Variants in SEMA6D observed in about 807,000 individuals in gnomAD.
SEMA6D encodes semaphorin 6D, also known as semaphorin-6D.
A neutral mutation model predicts 106.6 loss-of-function variants in SEMA6D; 35 were observed. The ratio of observed to expected loss-of-function variants is 0.33; its 90% CI spans 0.25 to 0.44. The LOEUF (loss-of-function observed/expected upper bound fraction) is 0.44, where lower values mean the gene tolerates loss of function less well. SEMA6D is among the 20% of genes least tolerant of loss of function. The probability of loss-of-function intolerance (pLI) is 1.00; values close to 1 mark genes in which losing one functional copy is unlikely to be tolerated. For missense variants in SEMA6D, 1,185 were observed against 1,345.9 expected, an observed-to-expected ratio of 0.88 and a Z score of 1.87; for synonymous variants, 499 against 487.7, an observed-to-expected ratio of 1.02 and a Z score of -0.31.
At chr15:47,526,305 C>T (rs1452703224) in intron 3 of SEMA6D, among the ~76,000 whole-genome samples, 1 of 152,110 alleles carries the variant, frequency 6.6e-6, no homozygotes, top group African/African-American at 2.4e-5. Context: ...TCTTTCAAAG[C>T]TCTCATGTAC....
At position 47,568,124 on chromosome 15, in the gene SEMA6D, G is replaced by A. The variant is rs189484517; in HGVS notation, c.-86-32741G>A. ...TACACTGCTGGTGGAGATGTAACTTGGAGACCAAAGTGGCAATATCTAATA... is the reference window on the plus strand; with the variant it reads ...TACACTGCTGGTGGAGATGTAACTTAGAGACCAAAGTGGCAATATCTAATA... On this transcript the variant is annotated intron_variant, in intron 3 of 19. Transcript: ENST00000558014. Among the ~76,000 whole-genome samples, 262 of 150,762 alleles carry A rather than the reference G, an allele frequency of 1.7e-3. 3 individuals carry two copies. Among genetic ancestry groups the A allele is most frequent in the Admixed American group, 4.0e-3 (60 of 15,118 alleles).
chr15:47,291,337 G>A (rs569240743), intron 1 of SEMA6D, among the ~76,000 whole-genome samples: 4 of 152,168 alleles, frequency 2.6e-5, no homozygotes, highest in Non-Finnish European at 5.9e-5. Flanking sequence ...TTGTAAGTCT[G>A]TTATCTGAAT....
In SEMA6D at chr15:47,677,197, C is replaced by A. The variant is rs150369722; in HGVS notation, c.-55+76301C>A. Among the ~76,000 whole-genome samples, 1,518 of 152,134 alleles carry A rather than the reference C, an allele frequency of 1.0e-2. 14 individuals are homozygous for A. The highest frequency in any genetic ancestry group is 0.045 in the South Asian group (216 of 4,818). Reference sequence around the variant, plus strand: ...GTCTGCGACCTGGAGGTTGGGGACCCCTGTTGTAAAGGTTGAGCTGAGATG... The same window carrying A: ...GTCTGCGACCTGGAGGTTGGGGACCACTGTTGTAAAGGTTGAGCTGAGATG... On this transcript the variant is annotated intron_variant, in intron 4 of 19. Transcript: ENST00000558014.
rs749933749 is a variant in SEMA6D at position 47,765,072 on chromosome 15, G to A, written c.1427+16G>A. On this transcript the variant is annotated intron_variant, in intron 13 of 18. Transcript: ENST00000536845. ...ACCATGCAAAGTAGGTATATGTTACGAGAACGCCCTTCAGCACTGCTCAAA... is the reference window on the plus strand; with the variant it reads ...ACCATGCAAAGTAGGTATATGTTACAAGAACGCCCTTCAGCACTGCTCAAA... 2.2e-5 allele frequency: 36 copies of A among 1,612,836 alleles called. No individual in the cohort carries two copies. The African/African-American group carries it at 2.5e-4, about 11-fold the overall frequency.
At position 47,517,325 on chromosome 15, in the gene SEMA6D, T is replaced by C. The variant is rs142549044; in HGVS notation, c.-87+46780T>C. Among the ~76,000 whole-genome samples, 506 of 152,240 alleles carry C rather than the reference T, an allele frequency of 3.3e-3. 1 individual carries two copies. Among genetic ancestry groups the C allele is most frequent in the Non-Finnish European group, 5.7e-3 (388 of 68,006 alleles). ...TCTCAGACTAGAAGGCAGATGTCTT[T>C]GAGGTCTCTCTGAAATCCTCCTACT... On this transcript the variant is annotated intron_variant, in intron 3 of 19. Transcript: ENST00000558014.
intron 2 of SEMA6D, among the ~76,000 whole-genome samples, chr15:47,452,209 A>T (rs2042214896): frequency 6.6e-6 from 1 of 151,962 alleles, no homozygotes; most frequent in African/African-American, 2.4e-5. Flanking sequence ...GATAATAACG[A>T]TGAGGCAAAT....
chr15:47,671,898 A>C (rs143572406), intron 4 of SEMA6D, among the ~76,000 whole-genome samples: 1 of 152,312 alleles, frequency 6.6e-6, no homozygotes, highest in East Asian at 1.9e-4. Flanking sequence ...TGTGTGGGTG[A>C]GGATGTTTGT....
At chr15:47,439,481 C>T (rs1239001253) in intron 2 of SEMA6D, among the ~76,000 whole-genome samples, 1 of 152,100 alleles carries the variant, frequency 6.6e-6, no homozygotes, top group Non-Finnish European at 1.5e-5. Flanking sequence ...TTTGAATGTA[C>T]TTTCTTCTCT....
At chr15:47,564,911 C>G (rs1001962557) in intron 3 of SEMA6D, among the ~76,000 whole-genome samples, 1 of 152,144 alleles carries the variant, frequency 6.6e-6, no homozygotes, top group Non-Finnish European at 1.5e-5. Context: ...TTCAGAGGGA[C>G]AGCTTGACAG....
chr15:47,438,038 T>C lies in SEMA6D; in HGVS notation c.-159+25566T>C, dbSNP rs1028775478. Reference sequence around the variant, plus strand: ...CAGATTTGGTTGTGTGACTGAATTGTTGGACTTCACATGTTCTAAAGTGAA... The same window carrying C: ...CAGATTTGGTTGTGTGACTGAATTGCTGGACTTCACATGTTCTAAAGTGAA... On this transcript the variant is annotated intron_variant, in intron 2 of 19. Coordinates refer to the SEMA6D transcript ENST00000558014. Among the ~76,000 whole-genome samples, 7 of 152,208 alleles carry C rather than the reference T, an allele frequency of 4.6e-5. No individual in the cohort carries two copies. The East Asian group carries it at 1.4e-3, about 30-fold the overall frequency.
chr15:47,605,762 G>T (rs541288082), intron 4 of SEMA6D, among the ~76,000 whole-genome samples: 1 of 152,318 alleles, frequency 6.6e-6, no homozygotes, highest in Non-Finnish European at 1.5e-5. Context: ...GAGATTCATA[G>T]AAGGTATGGG....
chr15:47,748,513 A>G (rs1672725009), intron 1 of SEMA6D, among the ~76,000 whole-genome samples: 1 of 152,246 alleles, frequency 6.6e-6, no homozygotes, highest in African/African-American at 2.4e-5. Flanking sequence ...TATTTATACA[A>G]TATCATAGTA....
chr15:47,724,763 C>A (rs747230064), intron 1 of SEMA6D, among the ~76,000 whole-genome samples: 2 of 152,232 alleles, frequency 1.3e-5, no homozygotes, highest in Non-Finnish European at 2.9e-5. Context: ...TTGAGCGTCT[C>A]TGGTCTACTA....
intron 3 of SEMA6D, among the ~76,000 whole-genome samples, chr15:47,572,159 T>G (rs1410416803): frequency 1.3e-5 from 2 of 152,222 alleles, no homozygotes; most frequent in African/African-American, 4.8e-5. Context: ...CATCTCTGCA[T>G]TAGATGTCAT....
intron 1 of SEMA6D, among the ~76,000 whole-genome samples, chr15:47,312,653 C>G (rs941279252): frequency 2.0e-5 from 3 of 151,914 alleles, no homozygotes; most frequent in African/African-American, 7.3e-5. Flanking sequence ...TAGGTCATTA[C>G]GTGTGCAATT....
rs867118724 is a variant in SEMA6D, at chr15:47,552,868, T to A, written c.-86-47997T>A. Among the ~76,000 whole-genome samples, 519 of 57,056 alleles carry A rather than the reference T, an allele frequency of 9.1e-3. 8 individuals are homozygous for A. Among genetic ancestry groups the A allele is most frequent in the Non-Finnish European group, 0.012 (447 of 36,810 alleles). The allele number at this position is 57,056 out of a possible 152,430, so 37.4% of individuals were successfully genotyped here. A position where few individuals can be genotyped will look rare whatever the true frequency, so the allele number is the denominator to read the frequency against. ...AATATATATAAATATATATATATTT[T>A]TATATATATATAAATATATATAAAT... On this transcript the variant is annotated intron_variant, in intron 3 of 19. Coordinates refer to the SEMA6D transcript ENST00000558014.
rs563273268 is a variant in SEMA6D at position 47,502,867 on chromosome 15, A to G, written c.-87+32322A>G. On this transcript the variant is annotated intron_variant, in intron 3 of 19. Transcript: ENST00000558014. Reference sequence around the variant, plus strand: ...AACATGTTCTCACTGTGATGTCTCCATAAAAGACAAGCCAAATAAGAATGA... The same window carrying G: ...AACATGTTCTCACTGTGATGTCTCCGTAAAAGACAAGCCAAATAAGAATGA... 9.2e-5 allele frequency among the ~76,000 whole-genome samples: 14 copies of G among 152,372 alleles called. No homozygotes were observed. The South Asian group carries it at 2.5e-3, about 27-fold the overall frequency.
intron 4 of SEMA6D, among the ~76,000 whole-genome samples, chr15:47,679,467 T>A (rs1280474399): frequency 6.6e-6 from 1 of 152,196 alleles, no homozygotes; most frequent in Non-Finnish European, 1.5e-5. Context: ...GTGGATCTCT[T>A]CCATTTTCAC....
intron 3 of SEMA6D, among the ~76,000 whole-genome samples, chr15:47,500,177 C>G (rs1416181713): frequency 6.6e-6 from 1 of 152,048 alleles, no homozygotes; most frequent in African/African-American, 2.4e-5. Flanking sequence ...GCCACTTTGC[C>G]CTTGAGAAAT....
Sources: gnomAD v4.1 joint callset for allele counts (sites outside exome capture counted in the v4.1 genomes callset) on GRCh38, gnomAD v4.1.1 for gene constraint, MANE v1.5 for transcripts, NCBI Gene and HGNC (gene_info 2026-07-23, HGNC 2026-07-21) for gene names.